The following ROS1 variants were observed in gnomAD, a reference collection of about 807,000 sequenced individuals.
The protein encoded by ROS1 is proto-oncogene tyrosine-protein kinase ROS.
In ROS1, 263 loss-of-function variants were observed where a neutral mutation model predicts 273.5. That is an observed-to-expected ratio of 0.96 (90% CI 0.87 to 1.06). The LOEUF is 1.06. Among genes scored for constraint, ROS1 ranks in the 50% least tolerant of loss-of-function variants. The probability of loss-of-function intolerance (pLI) is 0.00; values close to 1 mark genes in which losing one functional copy is unlikely to be tolerated. For missense variants in ROS1, 2,833 were observed against 2,751.1 expected (o/e 1.03, Z -0.67); for synonymous variants, 1,008 against 954.1 (o/e 1.06, Z -1.04).
chr6:117,389,775 T>C lies in ROS1; in HGVS notation c.1361A>G (p.Glu454Gly). The change falls in exon 13 of 44, where the codon GAA (glutamate) becomes GGA (glycine). Residue 454 changes from glutamate (E) to glycine (G), a missense_variant. Coordinates refer to ENST00000368507, the MANE Select transcript of ROS1 (RefSeq NM_001378902.1). Reference protein sequence around the residue: ...DLPVPSGRCAEAVRIVESCTL... With the variant: ...DLPVPSGRCAGAVRIVESCTL... ...GCAACTCTCCACAATACGCACAGCTTCTGCACACCGGCCAGATGGTACAGG... is the reference window on the plus strand; with the variant it reads ...GCAACTCTCCACAATACGCACAGCTCCTGCACACCGGCCAGATGGTACAGG... The C allele has an allele frequency of 6.2e-7, 1 of 1,614,184 alleles. No individual in the cohort carries two copies.
intron 14 of ROS1, among the ~76,000 whole-genome samples, chr6:117,387,372 T>C (rs546510273): frequency 1.7e-4 from 26 of 152,324 alleles, no homozygotes; most frequent in African/African-American, 6.0e-4. Context: ...ATGAATGGTA[T>C]AGTCATCCTT....
At chr6:117,350,020 C>A (rs1228226945) in intron 27 of ROS1, among the ~76,000 whole-genome samples, 1 of 151,840 alleles carries the variant, frequency 6.6e-6, no homozygotes, top group Admixed American at 6.6e-5. Context: ...AAACTATTAT[C>A]CATTAGGTCA....
intron 42 of ROS1, among the ~76,000 whole-genome samples, chr6:117,302,351 G>A (rs536625654): frequency 5.9e-5 from 9 of 152,166 alleles, no homozygotes; most frequent in East Asian, 3.9e-4. Flanking sequence ...TGTTGAGTAC[G>A]AGGCTTATGT....
At chr6:117,417,124 C>T (rs1013745791) in intron 2 of ROS1, among the ~76,000 whole-genome samples, 5 of 152,134 alleles carry the variant, frequency 3.3e-5, no homozygotes, top group Non-Finnish European at 5.9e-5. Context: ...GCAGCTGAGG[C>T]TCCATCCTGA....
intron 27 of ROS1, among the ~76,000 whole-genome samples, chr6:117,345,488 T>C (rs781570681): frequency 1.3e-5 from 2 of 152,230 alleles, no homozygotes; most frequent in African/African-American, 2.4e-5. Flanking sequence ...TGGCTGAGAC[T>C]GTGCTTGAAT....
chr6:117,312,538 G>C (rs1775619893), intron 39 of ROS1, among the ~76,000 whole-genome samples: 2 of 152,068 alleles, frequency 1.3e-5, no homozygotes, highest in Non-Finnish European at 2.9e-5. Flanking sequence ...TGTGTACATG[G>C]AACCCTGCTC....
In ROS1 at chr6:117,320,012, C is replaced by T. The variant is rs762415150; in HGVS notation, c.5778G>A (p.Glu1926=). The T allele has an allele frequency of 8.7e-6, 14 of 1,613,194 alleles. No homozygotes were observed. The highest frequency in any genetic ancestry group is 1.2e-5 in the Non-Finnish European group (14 of 1,179,472). ...CYAIHTLPTQ[E]EIENLPAFPR... ...GGAAGGCAGGAAGATTTTCAATCTC[C>T]TCTTGGGTTGGAAGAGTACTGTAAA... is the stretch of plus-strand genomic sequence containing the variant. The change falls in exon 37 of 44, where the codon GAG becomes GAA. Residue 1926 remains glutamate (E), a synonymous_variant. Coordinates refer to ENST00000368507, the MANE Select transcript of ROS1 (RefSeq NM_001378902.1).
chr6:117,350,707 C>G (rs1341850182), intron 27 of ROS1, among the ~76,000 whole-genome samples: 1 of 107,646 alleles, frequency 9.3e-6, no homozygotes, highest in Non-Finnish European at 2.0e-5. Context: ...TTTTTTTTAC[C>G]TTTATAGTTT....
intron 27 of ROS1, among the ~76,000 whole-genome samples, chr6:117,344,572 G>A (rs1778216353): frequency 6.6e-6 from 1 of 152,126 alleles, no homozygotes; most frequent in Admixed American, 6.5e-5. Context: ...AGGAAAAACT[G>A]TTTCTGAAGT....
rs1400934479 is a variant in ROS1, at chr6:117,359,884, AGCTGT to A, written c.3553_3557del (p.Thr1185Ter). 6.2e-7 allele frequency: 1 copy of A among 1,613,882 alleles called. No homozygotes were observed. Among genetic ancestry groups the A allele is most frequent in the East Asian group, 2.2e-5 (1 of 44,874 alleles). ...CAGCATAATATCCCATCTCATTATC[AGCTGT>A]GTAGCAAACGGCACTGATAACTCTT... On this transcript the variant is annotated frameshift_variant, in exon 24 of 44. Transcript: ENST00000368507. LOFTEE classifies it high-confidence loss of function.
At chr6:117,390,463 T>C (rs1193053409) in intron 12 of ROS1, among the ~76,000 whole-genome samples, 1 of 152,152 alleles carries the variant, frequency 6.6e-6, no homozygotes, top group Non-Finnish European at 1.5e-5. Flanking sequence ...GAAAACATAC[T>C]ATATAGAAAT....
chr6:117,389,744 T>C lies in ROS1; in HGVS notation c.1392A>G (p.Leu464=). ...CTTGTGGCTTGATTGCAAAGTCCTT[T>C]AACGTGCAACTCTCCACAATACGCA... is the stretch of plus-strand genomic sequence containing the variant. ...EAVRIVESCT[L]KDFAIKPQAK... is the part of the protein sequence containing the mutation. Residue 464 remains leucine, a synonymous_variant, in exon 13 of 44, where the codon TTA becomes TTG. Transcript: ENST00000368507. 1 of 1,614,168 alleles carries C rather than the reference T, an allele frequency of 6.2e-7. No homozygotes were observed. The highest frequency in any genetic ancestry group is 8.5e-7 in the Non-Finnish European group (1 of 1,180,032).
chr6:117,406,251 C>A (rs1482711145), intron 5 of ROS1, among the ~76,000 whole-genome samples: 1 of 151,574 alleles, frequency 6.6e-6, no homozygotes, highest in African/African-American at 2.4e-5. Context: ...ATGTTATTAG[C>A]TATTTATTTA....
Position 117,360,400 on chromosome 6 carries a change from C to A in ROS1, c.3372G>T (p.Arg1124Ser). 1.9e-6 allele frequency: 3 copies of A among 1,612,592 alleles called. No individual in the cohort carries two copies. The highest frequency in any genetic ancestry group is 2.5e-6 in the Non-Finnish European group (3 of 1,179,258). Residue 1124 changes from arginine to serine, a missense_variant, in exon 23 of 44, where the codon AGG becomes AGT. Arg to Ser is a moderately radical substitution (Grantham distance 110, BLOSUM62 -1). Transcript: ENST00000368507. ...GTCCTGGCCCCTTAGATGTAAAGGCCCTAACCTAAAGAAAAGGAAACAAAA... is the reference window on the plus strand; with the variant it reads ...GTCCTGGCCCCTTAGATGTAAAGGCACTAACCTAAAGAAAAGGAAACAAAA... ...SPRCFIAFQV[R>S]AFTSKGPGPY...
chr6:117,330,030 A>G (rs955564187), intron 32 of ROS1, among the ~76,000 whole-genome samples: 4 of 152,196 alleles, frequency 2.6e-5, no homozygotes, highest in Non-Finnish European at 4.4e-5. Flanking sequence ...GAGGGGCAGC[A>G]GCCAGCACTG....
intron 33 of ROS1, chr6:117,328,946 T>C: frequency 1.7e-6 from 1 of 595,798 alleles, no homozygotes; most frequent in Non-Finnish European, 3.3e-6. Flanking sequence ...CATTTCTCAC[T>C]AGAGAGTATT....
At chr6:117,334,845 A>G (rs763854506) in intron 32 of ROS1, among the ~76,000 whole-genome samples, 5 of 152,234 alleles carry the variant, frequency 3.3e-5, no homozygotes, top group Admixed American at 1.3e-4. Flanking sequence ...TTAACTCAAG[A>G]TGGATTAAAC....
intron 21 of ROS1, among the ~76,000 whole-genome samples, chr6:117,364,339 C>T (rs1165247603): frequency 1.3e-5 from 2 of 152,182 alleles, no homozygotes; most frequent in Non-Finnish European, 2.9e-5. Flanking sequence ...CATTTACCAA[C>T]ATTTGTAAAA....
intron 42 of ROS1, among the ~76,000 whole-genome samples, chr6:117,303,912 T>G (rs1774921433): frequency 6.6e-6 from 1 of 152,148 alleles, no homozygotes; most frequent in Non-Finnish European, 1.5e-5. Context: ...ATTTGGGGAA[T>G]TATAATGCAA....
Sources: gnomAD v4.1 joint callset for allele counts (sites outside exome capture counted in the v4.1 genomes callset) on GRCh38, gnomAD v4.1.1 for gene constraint, MANE v1.5 for transcripts, NCBI Gene and HGNC (gene_info 2026-07-23, HGNC 2026-07-21) for gene names.